The following MTCL1 variants were observed in gnomAD, a reference collection of about 807,000 sequenced individuals.
MTCL1 encodes the protein microtubule cross-linking factor 1.
A neutral mutation model predicts 141.4 loss-of-function variants in MTCL1; 79 were observed. That is an observed-to-expected ratio of 0.56 (90% CI 0.47 to 0.67). The LOEUF is 0.67. Ranked by LOEUF, MTCL1 falls within the 30% of genes least tolerant of loss-of-function variation. MTCL1 has a pLI of 0.00. For synonymous variants in MTCL1, 914 were observed against 875.8 expected, an observed-to-expected ratio of 1.04 and a Z score of -0.77; for missense variants, 2,177 against 2,113.9, an observed-to-expected ratio of 1.03 and a Z score of -0.59.
At chr18:8,831,315 T>A in intron 16 of MTCL1, 1 of 1,228,920 alleles carries the variant, frequency 8.1e-7, no homozygotes, top group Non-Finnish European at 1.0e-6. Flanking sequence ...GTGTCATGCC[T>A]TCTGTATACC....
upstream of MTCL1, among the ~76,000 whole-genome samples, chr18:8,715,038 C>A (rs1332129960): frequency 6.6e-6 from 1 of 152,136 alleles, no homozygotes; most frequent in South Asian, 2.1e-4. Flanking sequence ...CCTTGTGATC[C>A]GCCCGCCTCG....
intron 4 of MTCL1, among the ~76,000 whole-genome samples, chr18:8,747,105 A>T (rs935029841): frequency 2.6e-5 from 4 of 152,124 alleles, no homozygotes; most frequent in African/African-American, 9.7e-5. Flanking sequence ...AGCTTTTTGG[A>T]GAGACAGGTC....
Position 8,828,781 on chromosome 18 carries a change from C to A in MTCL1, c.4723-127C>A, listed in dbSNP as rs2077103865. The stretch of plus-strand genomic sequence containing the variant: ...GCCCGCAAGTCTCTCCTGGTGGCTA[C>A]CCCTGAGCGAGAGGGATGGTCCTCT... On this transcript the variant is annotated intron_variant, in intron 15 of 16. Transcript: ENST00000359865. The surrounding 1 kb of genome is among the most constrained non-coding windows in gnomAD (Gnocchi z 5.2). 2 of 1,474,676 alleles carry A rather than the reference C, an allele frequency of 1.4e-6. No homozygotes were observed. Among genetic ancestry groups the A allele is most frequent in the African/African-American group, 1.4e-5 (1 of 72,426 alleles). The allele number at this position is 1,474,676 out of a possible 1,614,324, so 91.3% of individuals were successfully genotyped here.
At chr18:8,713,388 G>A (rs2096106551), upstream of MTCL1, among the ~76,000 whole-genome samples, 1 of 152,166 alleles carries the variant, frequency 6.6e-6, no homozygotes, top group Non-Finnish European at 1.5e-5. Flanking sequence ...CCAATTTTAT[G>A]TACTATCTCT....
At position 8,720,184 on chromosome 18, in the gene MTCL1, C is replaced by A. The variant is rs530930478; in HGVS notation, c.199-154C>A. On this transcript the variant is annotated intron_variant, in intron 3 of 16. Coordinates refer to ENST00000359865, the Ensembl canonical transcript of MTCL1. ...ATTTCATTTTTAAATGAATCTCCTC[C>A]TCCTTTTAACAATAAGTCAGTTGTG... The A allele has an allele frequency of 3.3e-5, 22 of 674,380 alleles. No homozygotes were observed. The Admixed American group carries it at 7.0e-4, about 22-fold the overall frequency. 41.8% of individuals were successfully genotyped at this position (674,380 alleles called of 1,614,324 possible). A position where few individuals can be genotyped will look rare whatever the true frequency, so the allele number is the denominator to read the frequency against.
intron 7 of MTCL1, among the ~76,000 whole-genome samples, chr18:8,790,860 C>A (rs2075697468): frequency 6.6e-6 from 1 of 152,112 alleles, no homozygotes; most frequent in African/African-American, 2.4e-5. Flanking sequence ...ACTAAAAATA[C>A]AAAAATTAGC....
intron 4 of MTCL1, among the ~76,000 whole-genome samples, chr18:8,728,720 CTTTTTT>C (rs34524200): frequency 2.4e-4 from 14 of 59,074 alleles, no homozygotes; most frequent in African/African-American, 8.8e-4. Flanking sequence ...GTTGTCCATT[CTTTTTT>C]TTTTTTTTTT....
At chr18:8,784,476 T>C (rs760643756) in exon 6 of MTCL1, 1 of 1,560,310 alleles carries the variant, frequency 6.4e-7, no homozygotes, top group Non-Finnish European at 8.7e-7. Flanking sequence ...GAGTACCTAG[T>C]GACCCTAAAA....
Position 8,710,457 on chromosome 18 carries a change from CTTTTTTTTTTTTT to C in MTCL1, c.1053+3753_1053+3765del, listed in dbSNP as rs59830434. On this transcript the variant is annotated intron_variant, in intron 1 of 13. Transcript: ENST00000306329. ...GCTTCTCATAAAACCCAGGCACTTTCTTTTTTTTTTTTTTTTTTTTTCTCTTTAATTATGGTAA... is the reference window on the plus strand; with the variant it reads ...GCTTCTCATAAAACCCAGGCACTTTCTTTTTTTTCTCTTTAATTATGGTAA... Among the ~76,000 whole-genome samples, 18 of 121,816 alleles carry C rather than the reference CTTTTTTTTTTTTT, an allele frequency of 1.5e-4. 1 individual carries two copies. The highest frequency in any genetic ancestry group is 5.5e-4 in the African/African-American group (17 of 30,838). The allele number at this position is 121,816 out of a possible 152,430, so 79.9% of individuals were successfully genotyped here.
intron 4 of MTCL1, among the ~76,000 whole-genome samples, chr18:8,770,288 C>A (rs1428236311): frequency 3.3e-5 from 5 of 152,206 alleles, no homozygotes; most frequent in African/African-American, 1.2e-4. Context: ...AGACTCTTGA[C>A]AGGATTGAAT....
At chr18:8,722,584 A>T (rs1199780318) in intron 4 of MTCL1, among the ~76,000 whole-genome samples, 1 of 152,032 alleles carries the variant, frequency 6.6e-6, no homozygotes, top group Admixed American at 6.5e-5. Flanking sequence ...TGTTAAAATC[A>T]TAAGGAAGAG....
intron 7 of MTCL1, among the ~76,000 whole-genome samples, chr18:8,788,513 G>C (rs2075602432): frequency 6.6e-6 from 1 of 152,228 alleles, no homozygotes; most frequent in Non-Finnish European, 1.5e-5. Flanking sequence ...AAAGAGGAAA[G>C]AAGATAAGTG....
intron 14 of MTCL1, among the ~76,000 whole-genome samples, chr18:8,824,020 C>T (rs1397453126): frequency 6.6e-6 from 1 of 152,164 alleles, no homozygotes; most frequent in African/African-American, 2.4e-5. Flanking sequence ...CACCTCATCG[C>T]CCCATCCCAC....
intron 11 of MTCL1, among the ~76,000 whole-genome samples, chr18:8,811,532 C>CAT (rs1052158210): frequency 4.3e-5 from 6 of 141,118 alleles, no homozygotes; most frequent in Non-Finnish European, 8.9e-5. Flanking sequence ...TATATATATA[C>CAT]ATATATATAT....
Position 8,720,320 on chromosome 18 carries a change from C to T in MTCL1, c.199-18C>T. On this transcript the variant is annotated intron_variant, in intron 3 of 16. Coordinates refer to ENST00000359865, the Ensembl canonical transcript of MTCL1. ...AAAAGCCTCATATCCTGATAATGAT[C>T]TCTGTGGGTCGATGCAGGTAGCCAA... The T allele has an allele frequency of 6.2e-7, 1 of 1,613,402 alleles. No homozygotes were observed. The highest frequency in any genetic ancestry group is 1.3e-5 in the African/African-American group (1 of 75,004).
At chr18:8,726,544 C>A (rs117035018) in intron 4 of MTCL1, among the ~76,000 whole-genome samples, 25,398 of 111,198 alleles carry the variant, frequency 0.23, 3,181 homozygotes, top group Admixed American at 0.37. Flanking sequence ...CGCATGCGCG[C>A]GCGCAACAAG....
intron 4 of MTCL1, among the ~76,000 whole-genome samples, chr18:8,729,083 T>G (rs6506610): frequency 0.44 from 65,820 of 151,028 alleles, 15,866 homozygotes; most frequent in African/African-American, 0.63. Context: ...TCTTGCTGTC[T>G]CCCAGGCTGG....
chr18:8,799,212 G>C (rs1050464610), intron 10 of MTCL1, among the ~76,000 whole-genome samples: 2 of 152,158 alleles, frequency 1.3e-5, no homozygotes, highest in Admixed American at 1.3e-4. Context: ...CCTGGCCCAG[G>C]CTCCCGAAGC....
chr18:8,805,734 G>A (rs1304593551), intron 10 of MTCL1, among the ~76,000 whole-genome samples: 1 of 152,278 alleles, frequency 6.6e-6, no homozygotes, highest in East Asian at 1.9e-4. Context: ...GTGGGACTTA[G>A]AGAGCTTTTA....
Sources: allele counts gnomAD v4.1 joint callset (sites outside exome capture counted in the v4.1 genomes callset), GRCh38; gene constraint gnomAD v4.1.1; non-coding constraint Gnocchi (gnomAD v3.1); transcripts MANE v1.5; gene names NCBI Gene and HGNC (gene_info 2026-07-23, HGNC 2026-07-21).